The following DNAAF9 variants were observed in gnomAD, a reference collection of about 807,000 sequenced individuals.
DNAAF9 encodes dynein axonemal assembly factor 9, also known as shulin.
Under a neutral mutation model 167.0 loss-of-function variants are expected in DNAAF9, and 90 were observed. The ratio of observed to expected loss-of-function variants is 0.54; its 90% CI spans 0.45 to 0.64. The LOEUF is 0.64. DNAAF9 is among the 30% of genes least tolerant of loss of function. The pLI, the probability that DNAAF9 is intolerant of heterozygous loss-of-function variation, is 0.00. For missense variants in DNAAF9, 1,315 were observed against 1,442.2 expected (o/e 0.91, Z 1.43); for synonymous variants, 491 against 508.8 (o/e 0.96, Z 0.47).
chr20:3,318,561 G>C (rs1411602646), intron 16 of DNAAF9, among the ~76,000 whole-genome samples, 161 bp from the exon 17 acceptor site: 6 of 152,150 alleles, frequency 3.9e-5, no homozygotes, highest in Non-Finnish European at 8.8e-5. Flanking sequence ...CTTTGAACTG[G>C]GAGGTGACTT....
At chr20:3,314,252 A>G (rs2069463421) in intron 20 of DNAAF9, among the ~76,000 whole-genome samples, 1 of 152,112 alleles carries the variant, frequency 6.6e-6, no homozygotes. Context: ...CTGTAGCCAT[A>G]ATGGGATGAG....
chr20:3,403,649 C>T (rs1343779223), intron 1 of DNAAF9, among the ~76,000 whole-genome samples: 1 of 151,526 alleles, frequency 6.6e-6, no homozygotes, highest in East Asian at 1.9e-4. Flanking sequence ...AATTTACAAA[C>T]ATGCTATAAT....
intron 1 of DNAAF9, among the ~76,000 whole-genome samples, chr20:3,386,744 G>C: frequency 6.6e-6 from 1 of 150,550 alleles, no homozygotes; most frequent in East Asian, 1.9e-4. Context: ...GATACATAAA[G>C]AACTCTCAAA....
chr20:3,305,649 G>C (rs986731717), intron 20 of DNAAF9, among the ~76,000 whole-genome samples: 7 of 152,206 alleles, frequency 4.6e-5, no homozygotes, highest in African/African-American at 1.2e-4. Context: ...AGGGCTTCCT[G>C]AGGAGGTGAG....
chr20:3,280,640 T>G (rs1007430203), intron 28 of DNAAF9, among the ~76,000 whole-genome samples: 1 of 151,844 alleles, frequency 6.6e-6, no homozygotes, highest in Admixed American at 6.6e-5. Context: ...TTTTTTGAGA[T>G]AGCGTCTCAC....
intron 25 of DNAAF9, among the ~76,000 whole-genome samples, chr20:3,290,772 C>G (rs530561613): frequency 4.5e-4 from 67 of 148,220 alleles, no homozygotes; most frequent in Non-Finnish European, 8.2e-4. Context: ...CCAAGTCACA[C>G]GGTCAGGGCT....
Position 3,333,792 on chromosome 20 carries a change from T to C in DNAAF9, c.982-1431A>G, listed in dbSNP as rs117996295. ...ACAGTTCTCTTTCACTTGTGTACAC[T>C]TGAGTACGTGAATCTGAAGTCTATC... On this transcript the variant is annotated intron_variant, in intron 10 of 36. Coordinates refer to ENST00000252032, the MANE Select transcript of DNAAF9 (RefSeq NM_001009984.3). Among the ~76,000 whole-genome samples the C allele has an allele frequency of 4.8e-3, 735 of 152,300 alleles. 2 individuals are homozygous for C. Among genetic ancestry groups the C allele is most frequent in the Middle Eastern group, 6.8e-3 (2 of 294 alleles).
intron 23 of DNAAF9, chr20:3,296,017 G>A (rs879235239): frequency 1.5e-5 from 20 of 1,293,968 alleles, no homozygotes; most frequent in East Asian, 1.2e-4. Context: ...CGGGAACTTC[G>A]GTTTCAAGCT....
chr20:3,259,656 C>A, intron 32 of DNAAF9, 102 bp from the exon 33 acceptor site: 1 of 826,874 alleles, frequency 1.2e-6, no homozygotes, highest in Non-Finnish European at 2.1e-6. Context: ...GACCATACAC[C>A]AGGGTCTAGG....
Position 3,407,471 on chromosome 20 carries a change from G to C in DNAAF9, c.83+4C>G. On this transcript the variant is annotated splice_donor_region_variant and intron_variant, in intron 1 of 36. Transcript: ENST00000252032. The stretch of plus-strand genomic sequence containing the variant: ...CGCCCCTCGGCTGCCTCTGCCCCGC[G>C]TACCTGACGGAGGGTGACCCGCGGC... 5 of 1,311,442 alleles carry C rather than the reference G, an allele frequency of 3.8e-6. No homozygotes were observed. Among genetic ancestry groups the C allele is most frequent in the Non-Finnish European group, 4.8e-6 (5 of 1,032,966 alleles). The allele number at this position is 1,311,442 out of a possible 1,614,324, so 81.2% of individuals were successfully genotyped here.
chr20:3,361,796 C>G, intron 6 of DNAAF9: 1 of 1,256,528 alleles, frequency 8.0e-7, no homozygotes, highest in Non-Finnish European at 1.1e-6. Flanking sequence ...CAAGACATAT[C>G]TAGAAAATTT....
chr20:3,271,930 T>C (rs1248994407), intron 29 of DNAAF9, among the ~76,000 whole-genome samples: 2 of 152,174 alleles, frequency 1.3e-5, no homozygotes, highest in East Asian at 3.9e-4. Context: ...TACTTCTTAA[T>C]ATCGTAGAAA....
intron 34 of DNAAF9, 126 bp downstream of exon 34, chr20:3,255,880 G>A: frequency 1.4e-6 from 1 of 695,806 alleles, no homozygotes; most frequent in Non-Finnish European, 2.5e-6. Context: ...AGTGCTGGCT[G>A]GGCCAGGGAG....
Position 3,382,327 on chromosome 20 carries a change from C to A in DNAAF9, c.163+100G>T, listed in dbSNP as rs1011270629. ...AACAAGAACTAGGAGGACACCAACTCACAGCTTATTTCACATTGCTACTAT... is the reference window on the plus strand; with the variant it reads ...AACAAGAACTAGGAGGACACCAACTAACAGCTTATTTCACATTGCTACTAT... On this transcript the variant is annotated intron_variant, in intron 2 of 36. Coordinates refer to ENST00000252032, the MANE Select transcript of DNAAF9 (RefSeq NM_001009984.3). 1.5e-5 allele frequency: 13 copies of A among 892,048 alleles called. No homozygotes were observed. In the African/African-American group the frequency reaches 2.1e-4, roughly 15 times the overall value. 55.3% of individuals were successfully genotyped at this position (892,048 alleles called of 1,614,324 possible). A position where few individuals can be genotyped will look rare whatever the true frequency, so the allele number is the denominator to read the frequency against.
At position 3,315,272 on chromosome 20, in the gene DNAAF9, A is replaced by G; in HGVS notation, c.1591-152T>C. On this transcript the variant is annotated intron_variant, in intron 19 of 36. Coordinates refer to ENST00000252032, the MANE Select transcript of DNAAF9 (RefSeq NM_001009984.3). This position sits in a 1 kb window ranked among gnomAD's most constrained non-coding sequence, Gnocchi z 4.1. The stretch of plus-strand genomic sequence containing the variant: ...CCCAATGTATTCCATGGCCTTTGGC[A>G]TTGTCTGGCTCTTTGGCAGTTACTG... The G allele has an allele frequency of 1.6e-6, 1 of 619,178 alleles. No individual in the cohort carries two copies. The highest frequency in any genetic ancestry group is 2.7e-5 in the East Asian group (1 of 37,244). 38.4% of individuals were successfully genotyped at this position (619,178 alleles called of 1,614,324 possible).
chr20:3,265,356 G>A (rs2068469846), intron 30 of DNAAF9, among the ~76,000 whole-genome samples: 2 of 152,080 alleles, frequency 1.3e-5, no homozygotes, highest in Non-Finnish European at 2.9e-5. Context: ...CCTGGGGTCA[G>A]GAGTTCAAGA....
At chr20:3,352,970 CTT>C (rs761369377) in intron 7 of DNAAF9, among the ~76,000 whole-genome samples, 5 of 149,238 alleles carry the variant, frequency 3.4e-5, no homozygotes, top group Non-Finnish European at 7.4e-5. Context: ...TTCCTGACAT[CTT>C]TGTTACTTCT....
chr20:3,364,940 C>CTTTTTTT (rs73616151), intron 6 of DNAAF9, among the ~76,000 whole-genome samples: 1 of 143,034 alleles, frequency 7.0e-6, no homozygotes, highest in African/African-American at 2.6e-5. Flanking sequence ...CCTTCTTTTC[C>CTTTTTTT]TTTTTTCTTT....
At chr20:3,372,248 G>C (rs2083520447) in intron 6 of DNAAF9, among the ~76,000 whole-genome samples, 2 of 152,234 alleles carry the variant, frequency 1.3e-5, no homozygotes, top group Admixed American at 6.5e-5. Context: ...CACTGGCAGA[G>C]CCCATCTGTA....
Sources: gnomAD v4.1 joint callset for allele counts (sites outside exome capture counted in the v4.1 genomes callset) on GRCh38, gnomAD v4.1.1 for gene constraint, Gnocchi (gnomAD v3.1) non-coding constraint, MANE v1.5 for transcripts, NCBI Gene and HGNC (gene_info 2026-07-23, HGNC 2026-07-21) for gene names.